HIVEP3: variants seen among roughly 807,000 people sequenced by gnomAD.
HIVEP3 encodes the protein HIVEP zinc finger 3.
A neutral mutation model predicts 152.8 loss-of-function variants in HIVEP3; 49 were observed. The observed-to-expected ratio is 0.32, with a 90% CI of 0.26 to 0.41. The LOEUF is 0.41. Among genes scored for constraint, HIVEP3 ranks in the 10% least tolerant of loss-of-function variants. The pLI, the probability that HIVEP3 is intolerant of heterozygous loss-of-function variation, is 1.00. For synonymous variants in HIVEP3, 1,269 were observed against 1,289.0 expected (o/e 0.98, Z 0.33); for missense variants, 2,790 against 3,103.3 (o/e 0.90, Z 2.40).
At chr1:41,975,647 C>G (rs1645255319) in intron 1 of HIVEP3, among the ~76,000 whole-genome samples, 1 of 152,210 alleles carries the variant, frequency 6.6e-6, no homozygotes, top group African/African-American at 2.4e-5. Context: ...TCTATCTGAG[C>G]ACAGTATAGT....
chr1:41,580,465 G>C lies in HIVEP3; in HGVS notation c.4333C>G (p.Gln1445Glu). 1 of 1,614,104 alleles carries C rather than the reference G, an allele frequency of 6.2e-7. No homozygotes were observed. The highest frequency in any genetic ancestry group is 2.2e-5 in the East Asian group (1 of 44,878). Residue 1445 changes from glutamine to glutamate, a missense_variant, in exon 4 of 9, where the codon CAG becomes GAG. By Grantham distance (29) the Gln-to-Glu change is conservative. Coordinates refer to ENST00000372583, the MANE Select transcript of HIVEP3 (RefSeq NM_024503.5). ...TCCTCCTTCACTCTTTTTTGCTGCTGGGTTTCCATGGTAAGTTCAAGGCTG... is the reference window on the plus strand; with the variant it reads ...TCCTCCTTCACTCTTTTTTGCTGCTCGGTTTCCATGGTAAGTTCAAGGCTG... The part of the protein sequence containing the change: ...AGSLELTMET[Q>E]QQKRVKEEEA...
intron 1 of HIVEP3, among the ~76,000 whole-genome samples, chr1:41,718,289 G>T (rs1646625241): frequency 6.6e-6 from 1 of 152,244 alleles, no homozygotes; most frequent in Non-Finnish European, 1.5e-5. Context: ...ATGAATACAG[G>T]CTTAGGCCAG....
intron 3 of HIVEP3, among the ~76,000 whole-genome samples, chr1:41,594,274 G>A (rs528884240): frequency 3.3e-5 from 5 of 152,150 alleles, no homozygotes; most frequent in Non-Finnish European, 7.4e-5. Context: ...CCAGGATGGA[G>A]TGCAGTGACT....
intron 5 of HIVEP3, among the ~76,000 whole-genome samples, chr1:41,537,998 C>A (rs182400606): frequency 7.9e-5 from 12 of 152,230 alleles, no homozygotes; most frequent in Non-Finnish European, 1.3e-4. Context: ...CTAAATAAAA[C>A]CCTGACCTTG....
intron 1 of HIVEP3, among the ~76,000 whole-genome samples, chr1:41,911,141 T>G (rs1028197193): frequency 4.0e-5 from 6 of 151,876 alleles, no homozygotes; most frequent in Non-Finnish European, 7.4e-5. Flanking sequence ...TATAAAGAAC[T>G]CCTACAAATA....
intron 1 of HIVEP3, among the ~76,000 whole-genome samples, chr1:41,838,776 G>T (rs985122878): frequency 6.6e-5 from 10 of 152,142 alleles, no homozygotes; most frequent in Admixed American, 5.9e-4. Context: ...GAAGGACTCT[G>T]CCCAGTGTCT....
At chr1:41,634,039 C>T (rs1645235036) in intron 2 of HIVEP3, among the ~76,000 whole-genome samples, 3 of 151,916 alleles carry the variant, frequency 2.0e-5, no homozygotes, top group Admixed American at 2.0e-4. Flanking sequence ...GGTTAAAACC[C>T]TTAGATCCGT....
At chr1:41,595,444 G>T (rs1644651047) in intron 3 of HIVEP3, among the ~76,000 whole-genome samples, 1 of 152,128 alleles carries the variant, frequency 6.6e-6, no homozygotes, top group African/African-American at 2.4e-5. Context: ...TTTACACATT[G>T]TTGTTCCTGG....
At chr1:41,564,201 C>CAAA (rs1019732246) in intron 5 of HIVEP3, among the ~76,000 whole-genome samples, 1 of 151,878 alleles carries the variant, frequency 6.6e-6, no homozygotes, top group African/African-American at 2.4e-5. Context: ...CAAACAACAA[C>CAAA]AACAACAACA....
chr1:41,888,130 G>C (rs1456484094), intron 1 of HIVEP3, among the ~76,000 whole-genome samples: 5 of 150,884 alleles, frequency 3.3e-5, no homozygotes, highest in Non-Finnish European at 7.4e-5. Flanking sequence ...CCGCCTCCTG[G>C]GTTCACGCCA....
chr1:41,977,449 C>A (rs1426994609), intron 1 of HIVEP3, among the ~76,000 whole-genome samples: 1 of 152,158 alleles, frequency 6.6e-6, no homozygotes, highest in African/African-American at 2.4e-5. Context: ...TGCCTCTCAG[C>A]CTCAGGAGGT....
intron 5 of HIVEP3, among the ~76,000 whole-genome samples, chr1:41,527,438 CCACCCT>C (rs1215519990): frequency 7.0e-6 from 1 of 142,328 alleles, no homozygotes; most frequent in Non-Finnish European, 1.5e-5. Context: ...ACTCCACACC[CCACCCT>C]CACCCTCACA....
chr1:41,765,964 C>G (rs1325909211), intron 1 of HIVEP3, among the ~76,000 whole-genome samples: 2 of 152,240 alleles, frequency 1.3e-5, no homozygotes, highest in Non-Finnish European at 2.9e-5. Flanking sequence ...CTGGCCCACG[C>G]TGGCTGACAT....
At chr1:41,556,539 T>C (rs750137868) in intron 5 of HIVEP3, among the ~76,000 whole-genome samples, 2 of 152,244 alleles carry the variant, frequency 1.3e-5, no homozygotes, top group Non-Finnish European at 2.9e-5. Flanking sequence ...ATCAAGCCCT[T>C]ATCAAATATA....
At chr1:41,585,355 C>T in intron 3 of HIVEP3, 37 bp from the exon 4 acceptor site, 2 of 398,962 alleles carry the variant, frequency 5.0e-6, no homozygotes, top group Non-Finnish European at 8.8e-6. Context: ...GAAATACACA[C>T]ACACAAAAGA....
intron 1 of HIVEP3, among the ~76,000 whole-genome samples, chr1:41,766,923 C>T (rs1558251269): frequency 6.6e-6 from 1 of 152,198 alleles, no homozygotes; most frequent in Non-Finnish European, 1.5e-5. Flanking sequence ...GTGCCCCAAC[C>T]AACCCCGCAG....
At chr1:41,655,073 G>C (rs369354848) in intron 2 of HIVEP3, among the ~76,000 whole-genome samples, 2 of 152,100 alleles carry the variant, frequency 1.3e-5, no homozygotes, top group African/African-American at 4.8e-5. Context: ...TTATCATTAA[G>C]CATATTTGAT....
At chr1:41,952,259 T>G (rs1005477505) in intron 1 of HIVEP3, among the ~76,000 whole-genome samples, 1 of 152,192 alleles carries the variant, frequency 6.6e-6, no homozygotes, top group African/African-American at 2.4e-5. Flanking sequence ...CTTCATGAAT[T>G]TCCTCCCATT....
intron 1 of HIVEP3, among the ~76,000 whole-genome samples, chr1:42,002,542 C>G (rs1329414548): frequency 6.6e-6 from 1 of 152,182 alleles, no homozygotes; most frequent in Non-Finnish European, 1.5e-5. Context: ...GTAGGGTTCC[C>G]CATGAACACT....
Sources: allele counts gnomAD v4.1 joint callset (sites outside exome capture counted in the v4.1 genomes callset), GRCh38; gene constraint gnomAD v4.1.1; transcripts MANE v1.5; gene names NCBI Gene and HGNC (gene_info 2026-07-23, HGNC 2026-07-21).